The following OGDH variants were observed in gnomAD, a reference collection of about 807,000 sequenced individuals.
The protein encoded by OGDH is 2-oxoglutarate dehydrogenase complex component E1.
Under a neutral mutation model 116.6 loss-of-function variants are expected in OGDH, and 38 were observed. The ratio of observed to expected loss-of-function variants is 0.33; its 90% CI spans 0.25 to 0.43. The LOEUF is 0.43. OGDH is among the 20% of genes least tolerant of loss of function. The pLI, the probability that OGDH is intolerant of heterozygous loss-of-function variation, is 1.00. For synonymous variants in OGDH, 488 were observed against 533.3 expected, an observed-to-expected ratio of 0.92 and a Z score of 1.17; for missense variants, 825 against 1,357.2, an observed-to-expected ratio of 0.61 and a Z score of 6.16.
chr7:44,658,800 G>A (rs1331922412), intron 4 of OGDH, among the ~76,000 whole-genome samples: 1 of 151,926 alleles, frequency 6.6e-6, no homozygotes, highest in Non-Finnish European at 1.5e-5. Context: ...TTTGTCAGAT[G>A]TTTTTCCTGC....
chr7:44,700,367 G>T lies in OGDH; in HGVS notation c.2559+98G>T, dbSNP rs921133488. On this transcript the variant is annotated intron_variant, in intron 19 of 22. Transcript: ENST00000222673. ...AGAGCCTCTTGCTTGGGGTTAGCTA[G>T]GTGGGCACCTGCAGGGGTAGTGTGG... is the stretch of plus-strand genomic sequence containing the variant. 25 of 1,482,086 alleles carry T rather than the reference G, an allele frequency of 1.7e-5. No individual in the cohort carries two copies. In the Admixed American group the frequency reaches 4.9e-4, roughly 29 times the overall value. 91.8% of individuals were successfully genotyped at this position (1,482,086 alleles called of 1,614,324 possible).
chr7:44,692,904 G>A (rs1178239054), intron 10 of OGDH, among the ~76,000 whole-genome samples: 3 of 151,658 alleles, frequency 2.0e-5, no homozygotes, highest in Non-Finnish European at 4.4e-5. Flanking sequence ...GGGCCTGGTG[G>A]TGCACACCTA....
At chr7:44,703,005 T>C (rs1788905866) in intron 20 of OGDH, among the ~76,000 whole-genome samples, 1 of 152,234 alleles carries the variant, frequency 6.6e-6, no homozygotes, top group African/African-American at 2.4e-5. Flanking sequence ...GACTACTCTA[T>C]GGAACTCATA....
chr7:44,701,442 T>C (rs1585398379), intron 19 of OGDH, 101 bp from the exon 20 acceptor site: 5 of 977,436 alleles, frequency 5.1e-6, no homozygotes, highest in Non-Finnish European at 8.1e-6. Context: ...GCAGGTGTGT[T>C]TCATGGCCTG....
intron 18 of OGDH, among the ~76,000 whole-genome samples, chr7:44,699,544 T>C (rs2116382333): frequency 6.6e-6 from 1 of 151,664 alleles, no homozygotes; most frequent in South Asian, 2.1e-4. Context: ...TGCTGGGCAA[T>C]AGCTTTCAGA....
At chr7:44,699,696 G>A (rs1201156836) in intron 18 of OGDH, among the ~76,000 whole-genome samples, 8 of 152,120 alleles carry the variant, frequency 5.3e-5, no homozygotes, top group Admixed American at 3.3e-4. Flanking sequence ...TTGCTATAAA[G>A]AAAAACCTGA....
intron 9 of OGDH, among the ~76,000 whole-genome samples, chr7:44,680,780 T>C (rs1787897657): frequency 1.3e-5 from 2 of 152,160 alleles, no homozygotes; most frequent in South Asian, 4.1e-4. Context: ...ACATGGAAGC[T>C]ACAATGTTCT....
intron 1 of OGDH, among the ~76,000 whole-genome samples, chr7:44,614,139 A>G (rs984418867): frequency 2.6e-5 from 4 of 151,364 alleles, no homozygotes; most frequent in African/African-American, 9.7e-5. Flanking sequence ...TTTTTTGTAG[A>G]TATAGGGTCT....
chr7:44,673,719 G>C (rs1196230736), intron 5 of OGDH, 68 bp from the exon 6 acceptor site: 25 of 1,505,212 alleles, frequency 1.7e-5, no homozygotes, highest in Non-Finnish European at 2.3e-5. Context: ...TGAATGGGCA[G>C]TCGGCAGTCT....
chr7:44,634,882 G>A (rs1785595400), intron 2 of OGDH, among the ~76,000 whole-genome samples: 1 of 152,352 alleles, frequency 6.6e-6, no homozygotes, highest in African/African-American at 2.4e-5. Context: ...TGAATCATTT[G>A]CTGAAGGCTC....
chr7:44,624,977 A>G (rs763293920), intron 2 of OGDH, among the ~76,000 whole-genome samples: 13 of 152,218 alleles, frequency 8.5e-5, no homozygotes, highest in Admixed American at 8.5e-4. Flanking sequence ...TAATTTCTGT[A>G]TGAATGGCCT....
chr7:44,650,215 G>T (rs939151124), intron 4 of OGDH, among the ~76,000 whole-genome samples: 2 of 152,170 alleles, frequency 1.3e-5, no homozygotes, highest in Non-Finnish European at 2.9e-5. Context: ...AGGAAAATTG[G>T]TCTCGAACTC....
At chr7:44,700,792 C>T (rs1788795113) in intron 19 of OGDH, among the ~76,000 whole-genome samples, 1 of 152,146 alleles carries the variant, frequency 6.6e-6, no homozygotes, top group South Asian at 2.1e-4. Context: ...GCAGGTGGAT[C>T]ATGAGGTCAG....
intron 4 of OGDH, among the ~76,000 whole-genome samples, chr7:44,657,735 A>G (rs1458321832): frequency 6.6e-6 from 1 of 152,210 alleles, no homozygotes; most frequent in African/African-American, 2.4e-5. Context: ...GTTCTCCTAT[A>G]CATTTTTCTA....
At chr7:44,666,643 G>T (rs1443813903) in intron 4 of OGDH, 93 bp from the exon 5 acceptor site, 15 of 541,020 alleles carry the variant, frequency 2.8e-5, no homozygotes. Flanking sequence ...TGCTCACCTG[G>T]GGAGTTCCTT....
At chr7:44,637,427 A>G (rs1785719039) in intron 2 of OGDH, among the ~76,000 whole-genome samples, 1 of 152,222 alleles carries the variant, frequency 6.6e-6, no homozygotes. Flanking sequence ...CATTTTAGTC[A>G]TCTTCCTGTT....
chr7:44,630,382 G>A (rs189658534), intron 2 of OGDH, among the ~76,000 whole-genome samples: 42 of 152,336 alleles, frequency 2.8e-4, no homozygotes, highest in African/African-American at 7.0e-4. Context: ...ATATGTTCAC[G>A]TGACAAGGAA....
intron 2 of OGDH, among the ~76,000 whole-genome samples, chr7:44,638,549 C>T (rs773474281): frequency 1.3e-5 from 2 of 152,208 alleles, no homozygotes; most frequent in Non-Finnish European, 2.9e-5. Flanking sequence ...GTAGAAGTCA[C>T]TGCCCCTGCC....
chr7:44,623,051 C>T (rs934938626), intron 1 of OGDH, among the ~76,000 whole-genome samples: 2 of 152,170 alleles, frequency 1.3e-5, no homozygotes, highest in East Asian at 3.9e-4. Flanking sequence ...CTTTGCAGAC[C>T]CCACCCACGT....
Sources: allele counts gnomAD v4.1 joint callset (sites outside exome capture counted in the v4.1 genomes callset), GRCh38; gene constraint gnomAD v4.1.1; transcripts MANE v1.5; gene names NCBI Gene and HGNC (gene_info 2026-07-23, HGNC 2026-07-21).